Variants in PACRG observed in about 807,000 individuals in gnomAD.
PACRG encodes parkin coregulated, also known as parkin coregulated gene protein.
In PACRG, 29 loss-of-function variants were observed where a neutral mutation model predicts 29.7. The ratio of observed to expected loss-of-function variants is 0.98; its 90% CI spans 0.73 to 1.33. PACRG has a LOEUF of 1.33. Among genes scored for constraint, PACRG ranks in the 40% most tolerant of loss-of-function variants. The pLI, the probability that PACRG is intolerant of heterozygous loss-of-function variation, is 0.00. For synonymous variants in PACRG, 116 were observed against 118.7 expected (o/e 0.98, Z 0.15); for missense variants, 279 against 316.2 (o/e 0.88, Z 0.89).
intron 2 of PACRG, among the ~76,000 whole-genome samples, chr6:162,927,213 A>G (rs1797509752): frequency 6.6e-6 from 1 of 152,160 alleles, no homozygotes; most frequent in African/African-American, 2.4e-5. Flanking sequence ...GGGAATGTAA[A>G]TTAGTTCAAC....
intron 1 of PACRG, among the ~76,000 whole-genome samples, chr6:162,809,560 G>A (rs1786656491): frequency 6.6e-6 from 1 of 152,176 alleles, no homozygotes; most frequent in African/African-American, 2.4e-5. Context: ...TTAGAAATGT[G>A]TCTATTCAGT....
intron 4 of PACRG, among the ~76,000 whole-genome samples, chr6:163,145,514 A>G (rs1777757831): frequency 6.6e-6 from 1 of 152,260 alleles, no homozygotes; most frequent in African/African-American, 2.4e-5. Context: ...TTCCTGTCCT[A>G]TGCAAAACAC....
intron 2 of PACRG, among the ~76,000 whole-genome samples, chr6:163,009,207 C>A (rs1192973465): frequency 6.6e-6 from 1 of 152,120 alleles, no homozygotes; most frequent in Non-Finnish European, 1.5e-5. Context: ...ATTCTTTACA[C>A]CTTATTGAGG....
chr6:162,798,756 C>A (rs879060863), intron 1 of PACRG, among the ~76,000 whole-genome samples: 1 of 151,928 alleles, frequency 6.6e-6, no homozygotes. Flanking sequence ...CATATGTCAT[C>A]GTATATTTAA....
chr6:162,753,431 A>AT (rs758981727), intron 1 of PACRG, among the ~76,000 whole-genome samples: 2 of 152,158 alleles, frequency 1.3e-5, no homozygotes, highest in Non-Finnish European at 2.9e-5. Context: ...AAATGACAGC[A>AT]TTTTGCTCTT....
chr6:163,036,322 T>C (rs1053704704), intron 2 of PACRG, among the ~76,000 whole-genome samples: 4 of 152,350 alleles, frequency 2.6e-5, no homozygotes, highest in Admixed American at 6.5e-5. Flanking sequence ...AGCCACACTG[T>C]GAGTACAGAC....
At chr6:163,239,753 C>T (rs1256026914) in intron 4 of PACRG, among the ~76,000 whole-genome samples, 1 of 148,400 alleles carries the variant, frequency 6.7e-6, no homozygotes, top group East Asian at 2.0e-4. Context: ...CTCCCACATG[C>T]ACACACACTC....
chr6:162,956,797 A>G (rs979138932), intron 2 of PACRG, among the ~76,000 whole-genome samples: 25 of 152,156 alleles, frequency 1.6e-4, no homozygotes, highest in African/African-American at 6.0e-4. Flanking sequence ...CCTCCAGTCA[A>G]CTTGACTACA....
chr6:162,924,900 T>C (rs1420793358), intron 2 of PACRG, among the ~76,000 whole-genome samples: 6 of 151,542 alleles, frequency 4.0e-5, no homozygotes, highest in Non-Finnish European at 2.9e-5. Flanking sequence ...AAATAATTAA[T>C]AAAATAGATA....
At chr6:162,878,316 AT>A (rs1239655119) in intron 2 of PACRG, among the ~76,000 whole-genome samples, 4 of 152,248 alleles carry the variant, frequency 2.6e-5, no homozygotes, top group African/African-American at 9.6e-5. Flanking sequence ...TAAGAAAATT[AT>A]TTTAAACTTA....
chr6:163,290,039 G>C (rs751688306), intron 4 of PACRG, among the ~76,000 whole-genome samples: 38 of 152,018 alleles, frequency 2.5e-4, no homozygotes, highest in African/African-American at 8.4e-4. Context: ...TAGAGACTGG[G>C]TTGGTCAGTT....
chr6:163,301,935 G>C (rs374418074), intron 4 of PACRG, among the ~76,000 whole-genome samples: 2 of 152,174 alleles, frequency 1.3e-5, no homozygotes, highest in South Asian at 4.1e-4. Flanking sequence ...GCACGCCTCC[G>C]CCCCTCAGGG....
chr6:162,775,409 G>A (rs186988587), intron 1 of PACRG, among the ~76,000 whole-genome samples: 53 of 152,194 alleles, frequency 3.5e-4, no homozygotes, highest in African/African-American at 1.1e-3. Flanking sequence ...AGATAATTGC[G>A]TAAGTGTTAG....
chr6:163,104,454 G>T (rs1001959834), intron 4 of PACRG, among the ~76,000 whole-genome samples: 1 of 152,134 alleles, frequency 6.6e-6, no homozygotes, highest in African/African-American at 2.4e-5. Context: ...TTAAAAAGAA[G>T]TTTATTTGGC....
chr6:163,224,272 G>C (rs1340556210), intron 4 of PACRG, among the ~76,000 whole-genome samples: 3 of 147,762 alleles, frequency 2.0e-5, no homozygotes, highest in African/African-American at 7.5e-5. Flanking sequence ...AGGAGGCTAA[G>C]GCAGGAGAAT....
chr6:163,115,936 G>A (rs1023728961), intron 4 of PACRG, among the ~76,000 whole-genome samples: 3 of 152,190 alleles, frequency 2.0e-5, no homozygotes, highest in African/African-American at 7.2e-5. Context: ...CTATTCCAAT[G>A]CTGGAAGAAA....
chr6:162,768,916 T>C (rs1013902460), intron 1 of PACRG, among the ~76,000 whole-genome samples: 23 of 152,324 alleles, frequency 1.5e-4, no homozygotes, highest in African/African-American at 4.6e-4. Context: ...CTCTCTTGGC[T>C]ACCTTTCATG....
chr6:162,850,384 C>CT (rs1303672377), intron 2 of PACRG, among the ~76,000 whole-genome samples: 1 of 152,128 alleles, frequency 6.6e-6, no homozygotes, highest in South Asian at 2.1e-4. Context: ...AAATGATATC[C>CT]TTTTTTATGC....
intron 3 of PACRG, among the ~76,000 whole-genome samples, chr6:163,085,499 A>G (rs1203591382): frequency 6.6e-6 from 1 of 152,170 alleles, no homozygotes; most frequent in Non-Finnish European, 1.5e-5. Context: ...ACTCCTCTCC[A>G]GCACTTCCAA....
Sources: allele counts gnomAD v4.1 joint callset (sites outside exome capture counted in the v4.1 genomes callset), GRCh38; gene constraint gnomAD v4.1.1; transcripts MANE v1.5; gene names NCBI Gene and HGNC (gene_info 2026-07-23, HGNC 2026-07-21).